Variants in SH3GL2 observed in about 807,000 individuals in gnomAD.
SH3GL2 encodes the protein endophilin-A1.
Under a neutral mutation model 46.0 loss-of-function variants are expected in SH3GL2, and 24 were observed. The observed-to-expected ratio is 0.52, with a 90% CI of 0.38 to 0.73. The LOEUF (loss-of-function observed/expected upper bound fraction) is 0.73, where lower values mean the gene tolerates loss of function less well. Among genes scored for constraint, SH3GL2 ranks in the 30% least tolerant of loss-of-function variants. SH3GL2 has a pLI of 0.00. For missense variants in SH3GL2, 413 were observed against 424.2 expected (o/e 0.97, Z 0.23); for synonymous variants, 196 against 147.1 (o/e 1.33, Z -2.40).
intron 1 of SH3GL2, among the ~76,000 whole-genome samples, chr9:17,640,157 A>G (rs1231384235): frequency 6.6e-6 from 1 of 151,132 alleles, no homozygotes; most frequent in Non-Finnish European, 1.5e-5. Flanking sequence ...AATTTGTAAA[A>G]TTATAACTTG....
intron 1 of SH3GL2, among the ~76,000 whole-genome samples, chr9:17,641,302 G>A (rs1484473093): frequency 6.6e-6 from 1 of 152,110 alleles, no homozygotes; most frequent in Non-Finnish European, 1.5e-5. Context: ...TATGGTAGCA[G>A]CTCAAGGGAC....
chr9:17,767,813 A>G (rs9406703), intron 3 of SH3GL2, among the ~76,000 whole-genome samples: 15,445 of 152,278 alleles, frequency 0.1, 863 homozygotes, highest in Non-Finnish European at 0.11. Flanking sequence ...TAAGCTTCAA[A>G]GGAATAGGGT....
chr9:17,749,604 G>C (rs965610761), intron 2 of SH3GL2, among the ~76,000 whole-genome samples: 2 of 152,174 alleles, frequency 1.3e-5, no homozygotes, highest in Non-Finnish European at 2.9e-5. Context: ...AAGGGAATAA[G>C]CTAGGCAGCT....
intron 1 of SH3GL2, among the ~76,000 whole-genome samples, chr9:17,620,129 C>T (rs1478445745): frequency 6.6e-6 from 1 of 151,818 alleles, no homozygotes; most frequent in Non-Finnish European, 1.5e-5. Context: ...TCAGATTAAC[C>T]CATGAAGTTA....
chr9:17,707,489 A>G (rs542427346), intron 1 of SH3GL2, among the ~76,000 whole-genome samples: 1 of 152,116 alleles, frequency 6.6e-6, no homozygotes, highest in South Asian at 2.1e-4. Context: ...ACCTTCTAGC[A>G]TTCTCTGTGA....
chr9:17,646,065 T>G (rs1381375833), intron 1 of SH3GL2, among the ~76,000 whole-genome samples: 2 of 152,024 alleles, frequency 1.3e-5, no homozygotes, highest in African/African-American at 4.8e-5. Flanking sequence ...GAGGCTTCAT[T>G]CATTCCTTTT....
At chr9:17,749,250 A>T (rs994565345) in intron 2 of SH3GL2, among the ~76,000 whole-genome samples, 2 of 152,208 alleles carry the variant, frequency 1.3e-5, no homozygotes, top group African/African-American at 4.8e-5. Context: ...TTCTGGAAAT[A>T]ATATTTTACC....
intron 3 of SH3GL2, among the ~76,000 whole-genome samples, chr9:17,776,271 A>G (rs149498005): frequency 3.3e-5 from 5 of 152,194 alleles, no homozygotes; most frequent in East Asian, 3.9e-4. Context: ...ATTGTAGTAA[A>G]TGAAACTTTA....
intron 3 of SH3GL2, among the ~76,000 whole-genome samples, chr9:17,762,737 G>C (rs1265607262): frequency 1.3e-5 from 2 of 152,140 alleles, no homozygotes; most frequent in Non-Finnish European, 2.9e-5. Flanking sequence ...ATTTGTCAAA[G>C]CACTGCAAAA....
chr9:17,684,718 A>G (rs1820860687), intron 1 of SH3GL2, among the ~76,000 whole-genome samples: 1 of 152,148 alleles, frequency 6.6e-6, no homozygotes, highest in African/African-American at 2.4e-5. Flanking sequence ...AGAGAAAAAG[A>G]CACATTATAT....
chr9:17,677,331 A>T (rs4355886), intron 1 of SH3GL2, among the ~76,000 whole-genome samples: 1 of 151,868 alleles, frequency 6.6e-6, no homozygotes, highest in Admixed American at 6.6e-5. Context: ...AGATTGGACA[A>T]TTTTCCTGGT....
intron 1 of SH3GL2, among the ~76,000 whole-genome samples, chr9:17,604,410 A>G (rs996524813): frequency 3.3e-5 from 5 of 152,236 alleles, no homozygotes; most frequent in African/African-American, 4.8e-5. Context: ...GGTGCTTAGC[A>G]TAGTATTTTC....
intron 3 of SH3GL2, among the ~76,000 whole-genome samples, chr9:17,772,528 C>T (rs1430828305): frequency 6.6e-6 from 1 of 152,168 alleles, no homozygotes; most frequent in Non-Finnish European, 1.5e-5. Flanking sequence ...TGGCTACCAC[C>T]ATTCTACTTT....
chr9:17,607,012 T>G (rs1347221811), intron 1 of SH3GL2, among the ~76,000 whole-genome samples: 3 of 152,186 alleles, frequency 2.0e-5, no homozygotes, highest in Non-Finnish European at 4.4e-5. Flanking sequence ...GCCCTTTTTT[T>G]CTCCTCTTCT....
intron 1 of SH3GL2, among the ~76,000 whole-genome samples, chr9:17,678,039 T>A (rs1437977103): frequency 6.6e-6 from 1 of 152,202 alleles, no homozygotes; most frequent in African/African-American, 2.4e-5. Context: ...TATTGGACAT[T>A]TGGGTTGGTT....
At chr9:17,612,664 A>C (rs900840960) in intron 1 of SH3GL2, among the ~76,000 whole-genome samples, 1 of 152,160 alleles carries the variant, frequency 6.6e-6, no homozygotes, top group Non-Finnish European at 1.5e-5. Flanking sequence ...CAGCTCACTG[A>C]GCTATAATTC....
intron 1 of SH3GL2, among the ~76,000 whole-genome samples, chr9:17,667,349 C>T (rs761165971): frequency 6.6e-6 from 1 of 152,016 alleles, no homozygotes; most frequent in African/African-American, 2.4e-5. Context: ...AAAAAGAAAC[C>T]CCATGCCCAC....
At position 17,746,653 on chromosome 9, in the gene SH3GL2, C is replaced by T. The variant is rs149936441; in HGVS notation, c.46-413C>T. Among the ~76,000 whole-genome samples, 917 of 152,192 alleles carry T rather than the reference C, an allele frequency of 6.0e-3. 9 individuals are homozygous for T. The highest frequency in any genetic ancestry group is 0.021 in the African/African-American group (876 of 41,512). ...GTTTGTGATTATCTGTTCAATAGCCCATTTAGGACTAGGTTGAAGAAGCAG... is the reference window on the plus strand; with the variant it reads ...GTTTGTGATTATCTGTTCAATAGCCTATTTAGGACTAGGTTGAAGAAGCAG... On this transcript the variant is annotated intron_variant, in intron 1 of 8. Coordinates refer to ENST00000380607, the MANE Select transcript of SH3GL2 (RefSeq NM_003026.5).
At chr9:17,600,029 A>G (rs1818640812) in intron 1 of SH3GL2, among the ~76,000 whole-genome samples, 2 of 151,694 alleles carry the variant, frequency 1.3e-5, no homozygotes, top group Admixed American at 1.3e-4. Flanking sequence ...TTCTTATAAC[A>G]CTTATTTTGG....
Sources: gnomAD v4.1 joint callset for allele counts (sites outside exome capture counted in the v4.1 genomes callset) on GRCh38, gnomAD v4.1.1 for gene constraint, MANE v1.5 for transcripts, NCBI Gene and HGNC (gene_info 2026-07-23, HGNC 2026-07-21) for gene names.